PPM1L: variants seen among roughly 807,000 people sequenced by gnomAD.
PPM1L encodes the protein protein phosphatase 1L.
PPM1L carries 13 observed loss-of-function variants against 31.4 expected under a neutral mutation model. The observed-to-expected ratio is 0.41, with a 90% CI of 0.27 to 0.66. The LOEUF is 0.66. Ranked by LOEUF, PPM1L falls within the 30% of genes least tolerant of loss-of-function variation. The probability of loss-of-function intolerance (pLI) is 0.29; values close to 1 mark genes in which losing one functional copy is unlikely to be tolerated. For missense variants in PPM1L, 326 were observed against 453.7 expected, an observed-to-expected ratio of 0.72 and a Z score of 2.56; for synonymous variants, 184 against 175.4, an observed-to-expected ratio of 1.05 and a Z score of -0.39.
At chr3:161,005,812 T>C (rs1030487320) in intron 2 of PPM1L, among the ~76,000 whole-genome samples, 1 of 151,558 alleles carries the variant, frequency 6.6e-6, no homozygotes, top group Non-Finnish European at 1.5e-5. Flanking sequence ...CAAAAATGAG[T>C]CAGAAATTAA....
intron 2 of PPM1L, among the ~76,000 whole-genome samples, chr3:160,994,729 A>G (rs1446508000): frequency 6.6e-6 from 1 of 152,206 alleles, no homozygotes; most frequent in Non-Finnish European, 1.5e-5. Context: ...ATGAGATTTC[A>G]GTGTAAGGAA....
chr3:161,030,216 G>A (rs1427311458), intron 2 of PPM1L, among the ~76,000 whole-genome samples: 5 of 152,230 alleles, frequency 3.3e-5, no homozygotes, highest in Admixed American at 2.0e-4. Context: ...TTTAGGAGAC[G>A]ATTAAGGATT....
intron 1 of PPM1L, among the ~76,000 whole-genome samples, chr3:160,869,161 A>C (rs1013180112): frequency 1.3e-5 from 2 of 152,244 alleles, no homozygotes; most frequent in African/African-American, 4.8e-5. Context: ...ATGAGGCTTC[A>C]GTGAATTCAC....
intron 1 of PPM1L, among the ~76,000 whole-genome samples, chr3:160,869,585 A>G (rs1347713349): frequency 6.6e-6 from 1 of 152,138 alleles, no homozygotes; most frequent in African/African-American, 2.4e-5. Flanking sequence ...TTATGTTGTC[A>G]GGTCTATTGT....
intron 2 of PPM1L, among the ~76,000 whole-genome samples, chr3:161,014,060 T>C (rs1161239738): frequency 1.3e-5 from 2 of 152,244 alleles, no homozygotes; most frequent in Non-Finnish European, 2.9e-5. Flanking sequence ...TTTGATCCTG[T>C]CATTGTGATG....
intron 1 of PPM1L, among the ~76,000 whole-genome samples, chr3:160,815,982 A>G (rs1204539445): frequency 6.6e-6 from 1 of 152,160 alleles, no homozygotes. Flanking sequence ...ATGGAAACAC[A>G]GTTGATTTAC....
At chr3:160,876,710 T>A (rs1293831194) in intron 1 of PPM1L, among the ~76,000 whole-genome samples, 1 of 152,196 alleles carries the variant, frequency 6.6e-6, no homozygotes, top group Non-Finnish European at 1.5e-5. Context: ...CTAGAAGTCC[T>A]TTTAATACAG....
chr3:160,847,689 G>A (rs1420029647), intron 1 of PPM1L, among the ~76,000 whole-genome samples: 2 of 151,916 alleles, frequency 1.3e-5, no homozygotes, highest in Non-Finnish European at 2.9e-5. Context: ...ACAAAACAAA[G>A]CAAAAACCTC....
chr3:160,876,839 T>A (rs1712530881), intron 1 of PPM1L, among the ~76,000 whole-genome samples: 1 of 152,198 alleles, frequency 6.6e-6, no homozygotes, highest in African/African-American at 2.4e-5. Context: ...AGGCTTCATG[T>A]TGTTTTAGAG....
At chr3:161,042,968 T>C (rs1167573964) in intron 2 of PPM1L, among the ~76,000 whole-genome samples, 1 of 149,696 alleles carries the variant, frequency 6.7e-6, no homozygotes, top group Non-Finnish European at 1.5e-5. Context: ...TGCAGTGAGC[T>C]GAGATCACGC....
intron 1 of PPM1L, among the ~76,000 whole-genome samples, chr3:160,793,595 A>G (rs1456389019): frequency 6.6e-6 from 1 of 152,234 alleles, no homozygotes; most frequent in East Asian, 1.9e-4. Flanking sequence ...TAAGCTCAGT[A>G]AAGTGTGCGT....
chr3:160,759,434 T>G (rs1043730411), intron 1 of PPM1L, among the ~76,000 whole-genome samples: 2 of 152,160 alleles, frequency 1.3e-5, no homozygotes, highest in Non-Finnish European at 2.9e-5. Context: ...TTTTTTCTTT[T>G]AAGCTGAGAT....
At chr3:160,995,757 A>G (rs567133502) in intron 2 of PPM1L, among the ~76,000 whole-genome samples, 178 of 152,346 alleles carry the variant, frequency 1.2e-3, no homozygotes, top group African/African-American at 4.2e-3. Context: ...AATAGATGTG[A>G]GAGATAGGAA....
At chr3:160,800,118 C>G (rs1712379617) in intron 1 of PPM1L, among the ~76,000 whole-genome samples, 1 of 152,198 alleles carries the variant, frequency 6.6e-6, no homozygotes, top group Non-Finnish European at 1.5e-5. Flanking sequence ...ATTTTAAAAA[C>G]AGCTAAATTG....
chr3:160,756,752 C>CGT lies in PPM1L; in HGVS notation c.399+82_399+83dup, dbSNP rs113273287. 69,663 of 1,011,860 alleles carry CGT rather than the reference C, an allele frequency of 0.069. 587 individuals are homozygous for CGT. The highest frequency in any genetic ancestry group is 0.11 in the South Asian group (6,648 of 62,126). The allele number at this position is 1,011,860 out of a possible 1,614,324, so 62.7% of individuals were successfully genotyped here. A position where few individuals can be genotyped will look rare whatever the true frequency, so the allele number is the denominator to read the frequency against. The stretch of plus-strand genomic sequence containing the variant: ...TTTGTATTTGTGTCCGTGTATGTCT[C>CGT]GTGTGTGTGTGTGTGTGTGTGTGTG... On this transcript the variant is annotated intron_variant, in intron 1 of 3. Transcript: ENST00000498165. This position sits in a 1 kb window ranked among gnomAD's most constrained non-coding sequence, Gnocchi z 6.2.
chr3:161,051,184 T>C (rs1719265064), intron 2 of PPM1L, among the ~76,000 whole-genome samples: 1 of 152,220 alleles, frequency 6.6e-6, no homozygotes, highest in Non-Finnish European at 1.5e-5. Context: ...TGGGCTCTCA[T>C]AGTACTGTCA....
chr3:160,858,631 T>G (rs1297777891), intron 1 of PPM1L, among the ~76,000 whole-genome samples: 1 of 152,216 alleles, frequency 6.6e-6, no homozygotes. Context: ...GTTTCACCCT[T>G]TACTTATTAG....
chr3:161,016,797 C>G (rs573219208), intron 2 of PPM1L, among the ~76,000 whole-genome samples: 5 of 152,212 alleles, frequency 3.3e-5, no homozygotes, highest in Admixed American at 1.3e-4. Flanking sequence ...TTAGAGTGTG[C>G]TCTGATTATA....
At chr3:160,802,961 G>A (rs1712479150) in intron 1 of PPM1L, among the ~76,000 whole-genome samples, 1 of 152,214 alleles carries the variant, frequency 6.6e-6, no homozygotes, top group Non-Finnish European at 1.5e-5. Context: ...TTAAGATAGA[G>A]ATTGGCGAAA....
Sources: allele counts gnomAD v4.1 joint callset (sites outside exome capture counted in the v4.1 genomes callset), GRCh38; gene constraint gnomAD v4.1.1; non-coding constraint Gnocchi (gnomAD v3.1); transcripts MANE v1.5; gene names NCBI Gene and HGNC (gene_info 2026-07-23, HGNC 2026-07-21).